The following KANSL1 variants were observed in gnomAD, a reference collection of about 807,000 sequenced individuals.
KANSL1 encodes the protein MLL1/MLL complex subunit KANSL1.
Under a neutral mutation model 103.6 loss-of-function variants are expected in KANSL1, and 22 were observed. The ratio of observed to expected loss-of-function variants is 0.21; its 90% CI spans 0.15 to 0.30. KANSL1 has a LOEUF of 0.30. KANSL1 is among the 10% of genes least tolerant of loss of function. The pLI, the probability that KANSL1 is intolerant of heterozygous loss-of-function variation, is 1.00. For missense variants in KANSL1, 1,337 were observed against 1,399.8 expected, an observed-to-expected ratio of 0.96 and a Z score of 0.72; for synonymous variants, 600 against 527.6, an observed-to-expected ratio of 1.14 and a Z score of -1.88.
intron 2 of KANSL1, among the ~76,000 whole-genome samples, chr17:46,122,422 C>T (rs886659207): frequency 6.6e-6 from 1 of 152,194 alleles, no homozygotes; most frequent in Non-Finnish European, 1.5e-5. Flanking sequence ...GCCATAAATA[C>T]TTAAACAAGT....
intron 2 of KANSL1, among the ~76,000 whole-genome samples, chr17:46,153,157 G>T (rs1472796171): frequency 7.2e-5 from 11 of 152,190 alleles, no homozygotes; most frequent in Non-Finnish European, 1.6e-4. Context: ...CCCTTGTTGA[G>T]TAAGTTAATT....
chr17:46,171,067 A>T lies in KANSL1; in HGVS notation c.1077T>A (p.Ser359Arg), dbSNP rs1232116155. 1.9e-6 allele frequency: 3 copies of T among 1,614,190 alleles called. No homozygotes were observed. The highest frequency in any genetic ancestry group is 2.5e-6 in the Non-Finnish European group (3 of 1,180,028). ...KAEAALRKAA[S>R]ETTTSEGLSN... ...TAAGTCCCTCTGAAGTGGTGGTCTC[A>T]CTGGCAGCTTTTCTCAAGGCAGCTT... The change falls in exon 2 of 15, where the codon AGT becomes AGA. Residue 359 changes from serine (S) to arginine (R), a missense_variant. By Grantham distance (110) the Ser-to-Arg change is moderately radical (BLOSUM62 -1). Transcript: ENST00000432791.
intron 2 of KANSL1, among the ~76,000 whole-genome samples, chr17:46,122,212 T>C (rs527327955): frequency 2.0e-5 from 3 of 152,332 alleles, no homozygotes; most frequent in East Asian, 1.9e-4. Context: ...AGAAGTTCCT[T>C]TGACTCTCTT....
At chr17:46,099,067 T>C (rs1284796915) in intron 2 of KANSL1, among the ~76,000 whole-genome samples, 2 of 112,860 alleles carry the variant, frequency 1.8e-5, no homozygotes, top group Admixed American at 9.6e-5. Flanking sequence ...CTCACGCTTG[T>C]AATCCCAGCA....
At chr17:46,053,739 T>C (rs973152545) in intron 6 of KANSL1, among the ~76,000 whole-genome samples, 1 of 152,120 alleles carries the variant, frequency 6.6e-6, no homozygotes, top group Non-Finnish European at 1.5e-5. Context: ...CGGCCAAAGA[T>C]ATATTTAATA....
chr17:46,164,679 T>G (rs2045908682), intron 2 of KANSL1, among the ~76,000 whole-genome samples: 1 of 152,260 alleles, frequency 6.6e-6, no homozygotes, highest in South Asian at 2.1e-4. Context: ...CTTATACCAG[T>G]GCTTTGCTGG....
intron 6 of KANSL1, among the ~76,000 whole-genome samples, chr17:46,061,575 C>T (rs1365292560): frequency 1.3e-5 from 2 of 152,012 alleles, no homozygotes; most frequent in Admixed American, 6.6e-5. Context: ...CTAGTAATTC[C>T]GTCATTTTAT....
intron 1 of KANSL1, among the ~76,000 whole-genome samples, chr17:46,210,303 A>G (rs982565654): frequency 6.6e-6 from 1 of 151,814 alleles, no homozygotes; most frequent in Non-Finnish European, 1.5e-5. Flanking sequence ...TGAAACCCCA[A>G]CTCTACTAAA....
chr17:46,145,508 C>A (rs1412131504), intron 2 of KANSL1, among the ~76,000 whole-genome samples: 2 of 152,206 alleles, frequency 1.3e-5, no homozygotes, highest in African/African-American at 2.4e-5. Context: ...CACTGTTGTG[C>A]TAAACTGAAA....
chr17:46,218,078 T>G (rs2048397107), intron 1 of KANSL1, among the ~76,000 whole-genome samples: 1 of 152,222 alleles, frequency 6.6e-6, no homozygotes, highest in Non-Finnish European at 1.5e-5. Flanking sequence ...ACTGGAGTTA[T>G]GCTGCCACCA....
chr17:46,185,702 C>CATACACAT (rs1388593937), intron 1 of KANSL1, among the ~76,000 whole-genome samples: 1 of 112,686 alleles, frequency 8.9e-6, no homozygotes, highest in Non-Finnish European at 1.9e-5. Context: ...TACACACACA[C>CATACACAT]ACACACACAC....
intron 2 of KANSL1, among the ~76,000 whole-genome samples, chr17:46,160,329 A>T (rs1158424628): frequency 6.6e-6 from 1 of 152,028 alleles, no homozygotes; most frequent in African/African-American, 2.4e-5. Context: ...ACAAGGTCTC[A>T]CTCTGCTGCT....
intron 2 of KANSL1, among the ~76,000 whole-genome samples, chr17:46,161,679 T>C (rs1334532793): frequency 6.6e-6 from 1 of 152,208 alleles, no homozygotes; most frequent in Admixed American, 6.5e-5. Context: ...CTCTATTCTT[T>C]TAGGCCTAAG....
intron 10 of KANSL1, 167 bp from the exon 11 acceptor site, chr17:46,034,452 G>A: frequency 3.2e-6 from 2 of 624,438 alleles, no homozygotes; most frequent in South Asian, 3.6e-5. Context: ...GTCTCCAACA[G>A]CAAAAAACCT....
At chr17:46,135,253 A>T (rs2044069143) in intron 2 of KANSL1, among the ~76,000 whole-genome samples, 1 of 137,240 alleles carries the variant, frequency 7.3e-6, no homozygotes, top group African/African-American at 2.5e-5. Flanking sequence ...AGTCCAAGTA[A>T]GGGGTGGTCT....
At chr17:46,101,820 C>T (rs577213252) in intron 2 of KANSL1, among the ~76,000 whole-genome samples, 87 of 149,588 alleles carry the variant, frequency 5.8e-4, no homozygotes, top group African/African-American at 2.0e-3. Context: ...ATTTAAATTC[C>T]GTATCAAAAA....
chr17:46,064,566 G>A (rs999484870), intron 6 of KANSL1, among the ~76,000 whole-genome samples: 1 of 152,042 alleles, frequency 6.6e-6, no homozygotes, highest in Non-Finnish European at 1.5e-5. Context: ...TAAATTCAAT[G>A]GTCTCAATTC....
intron 4 of KANSL1, among the ~76,000 whole-genome samples, chr17:46,076,790 CT>C (rs1418247552): frequency 6.6e-6 from 1 of 152,030 alleles, no homozygotes; most frequent in Non-Finnish European, 1.5e-5. Context: ...TTTTATGTTT[CT>C]TGATACTACC....
chr17:46,194,316 G>T (rs2047529866), upstream of KANSL1, among the ~76,000 whole-genome samples: 1 of 152,286 alleles, frequency 6.6e-6, no homozygotes, highest in Non-Finnish European at 1.5e-5. Context: ...TCACTGCCAT[G>T]CTAAAAGTTT....
Sources: allele counts gnomAD v4.1 joint callset (sites outside exome capture counted in the v4.1 genomes callset), GRCh38; gene constraint gnomAD v4.1.1; transcripts MANE v1.5; gene names NCBI Gene and HGNC (gene_info 2026-07-23, HGNC 2026-07-21).